Variants in LINGO2 observed in about 807,000 individuals in gnomAD.
LINGO2 encodes the protein leucine rich repeat and Ig domain containing 2.
A neutral mutation model predicts 30.6 loss-of-function variants in LINGO2; 14 were observed. The observed-to-expected ratio is 0.46, with a 90% CI of 0.30 to 0.72. LINGO2 has a LOEUF of 0.72. Ranked by LOEUF, LINGO2 falls within the 30% of genes least tolerant of loss-of-function variation. The probability of loss-of-function intolerance (pLI) is 0.07; values close to 1 mark genes in which losing one functional copy is unlikely to be tolerated. For missense variants in LINGO2, 729 were observed against 751.7 expected (o/e 0.97, Z 0.35); for synonymous variants, 317 against 288.5 (o/e 1.10, Z -1.00).
intron 1 of LINGO2, among the ~76,000 whole-genome samples, chr9:28,558,027 G>A (rs1444558449): frequency 2.0e-5 from 3 of 148,882 alleles, no homozygotes; most frequent in Non-Finnish European, 4.5e-5. Context: ...GGATAGCATT[G>A]GGAGATATAC....
At chr9:28,389,362 C>A (rs1345623102) in intron 2 of LINGO2, among the ~76,000 whole-genome samples, 1 of 152,120 alleles carries the variant, frequency 6.6e-6, no homozygotes, top group Non-Finnish European at 1.5e-5. Flanking sequence ...TATTACTTTA[C>A]AATTTCAGAG....
chr9:28,764,434 A>G, the LINGO2 span, among the ~76,000 whole-genome samples: 2 of 151,930 alleles, frequency 1.3e-5, no homozygotes, highest in South Asian at 4.1e-4. Context: ...GCAGAAAAAA[A>G]CATTTGACAA....
intron 3 of LINGO2, among the ~76,000 whole-genome samples, chr9:28,368,051 T>C (rs1008943364): frequency 2.6e-5 from 4 of 152,166 alleles, no homozygotes; most frequent in African/African-American, 9.7e-5. Flanking sequence ...TACCTCTATC[T>C]CTGTATCTCT....
rs1821712990 is a variant in LINGO2, at chr9:28,239,727, A to G, written c.-87+55481T>C. Reference sequence around the variant, plus strand: ...CTTTTCCTCATAGATCTGAAATACTACAAGATTGCTCACTTTCACCATTGT... The same window carrying G: ...CTTTTCCTCATAGATCTGAAATACTGCAAGATTGCTCACTTTCACCATTGT... On this transcript the variant is annotated intron_variant, in intron 4 of 5. Coordinates refer to ENST00000379992, the Ensembl canonical transcript of LINGO2. Among the ~76,000 whole-genome samples the G allele has an allele frequency of 2.6e-5, 4 of 152,330 alleles. No homozygotes were observed. The South Asian group carries it at 8.3e-4, about 32-fold the overall frequency.
intron 4 of LINGO2, among the ~76,000 whole-genome samples, chr9:28,178,679 T>C (rs1828815889): frequency 6.6e-6 from 1 of 152,182 alleles, no homozygotes; most frequent in African/African-American, 2.4e-5. Context: ...ACTGTGCATT[T>C]TCTTCCATAA....
the LINGO2 span, among the ~76,000 whole-genome samples, chr9:28,898,003 G>C: frequency 2.0e-4 from 30 of 152,034 alleles, no homozygotes; most frequent in African/African-American, 4.1e-4. Flanking sequence ...GAGGACAAAG[G>C]ATTCTGTCAA....
intron 4 of LINGO2, among the ~76,000 whole-genome samples, chr9:28,137,173 A>T (rs1827541306): frequency 7.2e-6 from 1 of 138,866 alleles, no homozygotes; most frequent in African/African-American, 2.7e-5. Context: ...ATTTTTATAT[A>T]TTCATACATA....
At chr9:28,043,958 GTA>G (rs1824305152) in intron 4 of LINGO2, among the ~76,000 whole-genome samples, 1 of 152,200 alleles carries the variant, frequency 6.6e-6, no homozygotes, top group African/African-American at 2.4e-5. Flanking sequence ...GTTGGTTGAT[GTA>G]TATGTTAGTA....
the LINGO2 span, among the ~76,000 whole-genome samples, chr9:28,981,898 T>C: frequency 2.6e-4 from 40 of 151,640 alleles, no homozygotes; most frequent in East Asian, 4.1e-3. Context: ...TGAAAGAAAA[T>C]TGGAATGAAA....
At chr9:28,008,127 C>G (rs1050165305) in intron 5 of LINGO2, among the ~76,000 whole-genome samples, 2 of 152,244 alleles carry the variant, frequency 1.3e-5, no homozygotes, top group Non-Finnish European at 1.5e-5. Flanking sequence ...CAGGAGAGGT[C>G]TGCAAAGGTG....
At chr9:29,155,766 C>T in the LINGO2 span, among the ~76,000 whole-genome samples, 1 of 151,844 alleles carries the variant, frequency 6.6e-6, no homozygotes, top group South Asian at 2.1e-4. Context: ...ATGTTACTGT[C>T]AATAATGCTA....
At chr9:28,526,657 G>A (rs1821051026) in intron 1 of LINGO2, among the ~76,000 whole-genome samples, 1 of 152,116 alleles carries the variant, frequency 6.6e-6, no homozygotes, top group Admixed American at 6.6e-5. Context: ...AAATACCTGT[G>A]TTTCTAAAGG....
the LINGO2 span, among the ~76,000 whole-genome samples, chr9:28,719,956 C>A: frequency 6.6e-6 from 1 of 151,952 alleles, no homozygotes; most frequent in Non-Finnish European, 1.5e-5. Context: ...TCATCAGTAA[C>A]AAATCTTAGT....
At chr9:28,627,938 A>G (rs1237393694) in intron 1 of LINGO2, among the ~76,000 whole-genome samples, 3 of 152,092 alleles carry the variant, frequency 2.0e-5, no homozygotes, top group African/African-American at 7.2e-5. Context: ...AAATTTTTAT[A>G]TAACTATGGC....
chr9:28,051,465 C>T (rs1280081064), intron 4 of LINGO2, among the ~76,000 whole-genome samples: 1 of 152,098 alleles, frequency 6.6e-6, no homozygotes, highest in Non-Finnish European at 1.5e-5. Context: ...AGTGTATGCA[C>T]ATCAAATGCT....
chr9:28,199,510 T>C (rs1396970611), intron 4 of LINGO2, among the ~76,000 whole-genome samples: 1 of 151,996 alleles, frequency 6.6e-6, no homozygotes, highest in Non-Finnish European at 1.5e-5. Context: ...GGCTAATTTT[T>C]TGTATTTTAA....
chr9:28,922,358 T>G, the LINGO2 span, among the ~76,000 whole-genome samples: 111,527 of 152,002 alleles, frequency 0.73, 41,123 homozygotes, highest in Non-Finnish European at 0.78. Flanking sequence ...AGGGTACAGT[T>G]ACTCTGCAAA....
intron 5 of LINGO2, among the ~76,000 whole-genome samples, chr9:27,955,445 C>G (rs1048949226): frequency 2.0e-5 from 3 of 152,206 alleles, no homozygotes; most frequent in Middle Eastern, 3.2e-3. Context: ...CCATCATCCT[C>G]TTTACCTCTT....
the LINGO2 span, among the ~76,000 whole-genome samples, chr9:29,129,418 C>T: frequency 6.6e-6 from 1 of 151,954 alleles, no homozygotes. Context: ...ACTTTTGATG[C>T]TCATTGGCTA....
Sources: gnomAD v4.1 joint callset for allele counts (sites outside exome capture counted in the v4.1 genomes callset) on GRCh38, gnomAD v4.1.1 for gene constraint, MANE v1.5 for transcripts, NCBI Gene and HGNC (gene_info 2026-07-23, HGNC 2026-07-21) for gene names.